Variants in HDAC2 observed in about 807,000 individuals in gnomAD.
The protein encoded by HDAC2 is histone deacetylase 2, also known as YY1-associated factor 1.
In HDAC2, 5 loss-of-function variants were observed where a neutral mutation model predicts 68.5. The observed-to-expected ratio is 0.07, with a 90% CI of 0.04 to 0.15. HDAC2 has a LOEUF of 0.15. HDAC2 is among the 10% of genes least tolerant of loss of function. The pLI is 1.00. For synonymous variants in HDAC2, 182 were observed against 191.3 expected (o/e 0.95, Z 0.40); for missense variants, 291 against 600.8 (o/e 0.48, Z 5.39).
At chr6:113,953,776 G>A (rs937709309) in intron 5 of HDAC2, among the ~76,000 whole-genome samples, 2 of 152,202 alleles carry the variant, frequency 1.3e-5, no homozygotes, top group African/African-American at 4.8e-5. Flanking sequence ...GTATAAAATA[G>A]GGATTGGCTA....
rs949749911 is a variant in HDAC2 at position 113,970,846 on chromosome 6, C to T, written c.52+11G>A. 46 of 1,537,296 alleles carry T rather than the reference C, an allele frequency of 3.0e-5. No homozygotes were observed. The highest frequency in any genetic ancestry group is 3.7e-5 in the Non-Finnish European group (42 of 1,144,886). ...CCGCGCGCCCACCCCGACACCGGCC[C>T]GGCCGCTCACCGTCGTAGTAGTAGC... On this transcript the variant is annotated intron_variant, in intron 1 of 13. Transcript: ENST00000519065.
intron 1 of HDAC2, among the ~76,000 whole-genome samples, chr6:113,960,841 C>T (rs1353328644): frequency 6.6e-6 from 1 of 152,006 alleles, no homozygotes; most frequent in Non-Finnish European, 1.5e-5. Flanking sequence ...CAATCAACTG[C>T]AGACTGAAAA....
At chr6:113,962,397 GA>G in intron 1 of HDAC2, 29 of 877,952 alleles carry the variant, frequency 3.3e-5, no homozygotes, top group Non-Finnish European at 3.7e-5. Flanking sequence ...GGTGAAGGCT[GA>G]AAAAAAGACA....
chr6:113,968,961 G>C (rs1282563017), intron 1 of HDAC2, among the ~76,000 whole-genome samples: 1 of 152,140 alleles, frequency 6.6e-6, no homozygotes, highest in African/African-American at 2.4e-5. Flanking sequence ...TGACAGCTTC[G>C]AGAAGGACCT....
intron 2 of HDAC2, among the ~76,000 whole-genome samples, chr6:113,959,063 TCTA>T (rs1440161627): frequency 6.6e-6 from 1 of 152,126 alleles, no homozygotes; most frequent in African/African-American, 2.4e-5. Flanking sequence ...GTTCATAAAC[TCTA>T]CTTTCTCTCC....
chr6:113,944,493 A>G lies in HDAC2; in HGVS notation c.1092-83T>C, dbSNP rs57755542. ...TGCAAGAGAAAATATTTAGCAAAAA[A>G]TTTCATCTTTGGTCTAGCTAAACCT... On this transcript the variant is annotated intron_variant, in intron 10 of 13. Transcript: ENST00000519065. The G allele has an allele frequency of 4.0e-6, 5 of 1,239,572 alleles. No homozygotes were observed. The African/African-American group carries it at 7.5e-5, about 19-fold the overall frequency. 76.8% of individuals were successfully genotyped at this position (1,239,572 alleles called of 1,614,324 possible). A position where few individuals can be genotyped will look rare whatever the true frequency, so the allele number is the denominator to read the frequency against.
chr6:113,940,223 T>C lies in HDAC2; in HGVS notation c.*835A>G, dbSNP rs1375173491. Reference sequence around the variant, plus strand: ...GATAAATCAGTTGTGTTTATTTCCTTGAGTTAGAAACCTGGATGTCACGTA... The same window carrying C: ...GATAAATCAGTTGTGTTTATTTCCTCGAGTTAGAAACCTGGATGTCACGTA... On this transcript the variant is annotated 3_prime_UTR_variant, in exon 14 of 14. Coordinates refer to ENST00000519065, the MANE Select transcript of HDAC2 (RefSeq NM_001527.4). 1 of 152,196 alleles carries C rather than the reference T, an allele frequency of 6.6e-6. No individual in the cohort carries two copies. The highest frequency in any genetic ancestry group is 1.5e-5 in the Non-Finnish European group (1 of 68,022). The allele number at this position is 152,196 out of a possible 1,614,324, so 9.4% of individuals were successfully genotyped here.
intron 6 of HDAC2, among the ~76,000 whole-genome samples, chr6:113,951,628 C>T (rs1776419258): frequency 2.6e-5 from 4 of 151,946 alleles, no homozygotes; most frequent in South Asian, 2.1e-4. Context: ...CCACCACGCC[C>T]GGCTAATTTT....
At position 113,941,737 on chromosome 6, in the gene HDAC2, G is replaced by T; in HGVS notation, c.1407C>A (p.Asp469Glu). The T allele has an allele frequency of 6.9e-7, 1 of 1,453,060 alleles. No individual in the cohort carries two copies. Among genetic ancestry groups the T allele is most frequent in the Non-Finnish European group, 9.4e-7 (1 of 1,064,494 alleles). The allele number at this position is 1,453,060 out of a possible 1,614,324, so 90.0% of individuals were successfully genotyped here. A position where few individuals can be genotyped will look rare whatever the true frequency, so the allele number is the denominator to read the frequency against. Residue 469 changes from aspartate (D) to glutamate (E), a missense_variant, in exon 13 of 14, where the codon GAC becomes GAA. By Grantham distance (45) the Asp-to-Glu change is conservative (BLOSUM62 2). Transcript: ENST00000519065. ...TDVKEEDKSK[D>E]NSGEKTDTKG... is the part of the protein sequence containing the mutation. ...TGGTATCTGTTTTTTCACCACTGTT[G>T]TCCTTGGATTTATCTTCTTCCTTAA...
At chr6:113,970,467 G>A (rs1457437494) in intron 1 of HDAC2, 2 of 1,079,908 alleles carry the variant, frequency 1.9e-6, no homozygotes, top group Non-Finnish European at 2.2e-6. Context: ...GGCCGACGCG[G>A]GGCACCCCAA....
At position 113,944,344 on chromosome 6, in the gene HDAC2, T is replaced by C. The variant is rs368283587; in HGVS notation, c.1158A>G (p.Pro386=). 73 of 1,612,984 alleles carry C rather than the reference T, an allele frequency of 4.5e-5. No homozygotes were observed. The highest frequency in any genetic ancestry group is 1.2e-4 in the Admixed American group (7 of 59,996). ...CACTGTCTTCATGAACAGCATCTTC[T>C]GGAATAGCTTGCATCTGGACACCAG... is the stretch of plus-strand genomic sequence containing the variant. ...HAPGVQMQAI[P]EDAVHEDSGD... is the part of the protein sequence containing the mutation. Residue 386 remains proline, a synonymous_variant, in exon 11 of 14, where the codon CCA becomes CCG. Transcript: ENST00000519065.
At position 113,943,475 on chromosome 6, in the gene HDAC2, A is replaced by T. The variant is rs748408899; in HGVS notation, c.1254T>A (p.Asp418Glu). 6.2e-7 allele frequency: 1 copy of T among 1,607,878 alleles called. No homozygotes were observed. The highest frequency in any genetic ancestry group is 8.5e-7 in the Non-Finnish European group (1 of 1,179,242). The change falls in exon 12 of 14, where the codon GAT becomes GAA. Residue 418 changes from aspartate to glutamate, a missense_variant. Asp to Glu is a conservative substitution (Grantham distance 45). Coordinates refer to ENST00000519065, the MANE Select transcript of HDAC2 (RefSeq NM_001527.4). The stretch of plus-strand genomic sequence containing the variant: ...CATCCTCAGAATCTGAGAATTCTTC[A>T]TCACAAGCTATCCGCTTGTCTGATG... ...IRASDKRIAC[D>E]EEFSDSEDEG...
At chr6:113,961,205 A>G (rs2499617) in intron 1 of HDAC2, among the ~76,000 whole-genome samples, 128,096 of 152,076 alleles carry the variant, frequency 0.84, 54,901 homozygotes, top group East Asian at 0.97. Flanking sequence ...TAAAAAATGC[A>G]ATTTATCCAC....
chr6:113,954,102 C>CA (rs1247940379), intron 5 of HDAC2, among the ~76,000 whole-genome samples: 19 of 152,186 alleles, frequency 1.2e-4, no homozygotes, highest in Non-Finnish European at 1.5e-5. Context: ...AGTTGTAACT[C>CA]AAACGCAGTT....
intron 1 of HDAC2, among the ~76,000 whole-genome samples, chr6:113,965,527 C>A (rs1776791680): frequency 1.3e-5 from 2 of 152,140 alleles, no homozygotes; most frequent in Non-Finnish European, 1.5e-5. Context: ...CGTCACCATG[C>A]CCAGCTAACT....
At chr6:113,941,947 T>C (rs989531384) in intron 12 of HDAC2, among the ~76,000 whole-genome samples, 182 bp from the exon 13 acceptor site, 4 of 152,028 alleles carry the variant, frequency 2.6e-5, no homozygotes, top group East Asian at 1.9e-4. Context: ...AAGCTATGAA[T>C]AGTCACTGGA....
chr6:113,943,229 C>T (rs951166978), intron 12 of HDAC2, 122 bp downstream of exon 12: 1 of 666,766 alleles, frequency 1.5e-6, no homozygotes, highest in Non-Finnish European at 2.5e-6. Flanking sequence ...AAAAGAGTCA[C>T]CTACCTAGCA....
At chr6:113,970,417 A>C in intron 1 of HDAC2, 1 of 1,005,032 alleles carries the variant, frequency 9.9e-7, no homozygotes, top group African/African-American at 1.7e-5. Context: ...AGGCCGGGAT[A>C]GAAATTTTGC....
chr6:113,970,504 G>A, intron 1 of HDAC2: 1 of 1,155,512 alleles, frequency 8.7e-7, no homozygotes, highest in Non-Finnish European at 1.1e-6. Context: ...ATGGTGGGCG[G>A]GAGAAGGGAG....
Sources: gnomAD v4.1 joint callset for allele counts (sites outside exome capture counted in the v4.1 genomes callset) on GRCh38, gnomAD v4.1.1 for gene constraint, MANE v1.5 for transcripts, NCBI Gene and HGNC (gene_info 2026-07-23, HGNC 2026-07-21) for gene names.